CA10: variants seen among roughly 807,000 people sequenced by gnomAD.
CA10 encodes carbonic anhydrase-related protein 10.
Under a neutral mutation model 44.2 loss-of-function variants are expected in CA10, and 14 were observed. The observed-to-expected ratio is 0.32, with a 90% CI of 0.21 to 0.50. The LOEUF (loss-of-function observed/expected upper bound fraction) is 0.50. CA10 is among the 20% of genes least tolerant of loss of function. The pLI is 0.99. For synonymous variants in CA10, 159 were observed against 141.6 expected (o/e 1.12, Z -0.87); for missense variants, 350 against 409.7 (o/e 0.85, Z 1.26).
chr17:51,654,913 C>A (rs910030884), intron 4 of CA10, among the ~76,000 whole-genome samples: 1 of 151,802 alleles, frequency 6.6e-6, no homozygotes, highest in Non-Finnish European at 1.5e-5. Flanking sequence ...ATGCCCCCCC[C>A]ACCACCTCTT....
chr17:51,734,401 A>G lies in CA10; in HGVS notation c.465+13232T>C, dbSNP rs368885616. ...CTAGAGAGATTAAGTGGCTTGCCAA[A>G]GGTCACCTAGTCGTAGGGTGAGCAT... is the stretch of plus-strand genomic sequence containing the variant. On this transcript the variant is annotated intron_variant, in intron 4 of 8. Coordinates refer to ENST00000451037, the MANE Select transcript of CA10 (RefSeq NM_020178.5). Among the ~76,000 whole-genome samples the G allele has an allele frequency of 2.6e-5, 4 of 152,180 alleles. No individual in the cohort carries two copies. The East Asian group carries it at 7.7e-4, about 29-fold the overall frequency.
chr17:52,157,595 G>T, intron 1 of CA10, 131 bp downstream of exon 1: 1 of 760,674 alleles, frequency 1.3e-6, no homozygotes, highest in Non-Finnish European at 2.2e-6. Context: ...TTCTGAAGGC[G>T]GCAAACCCGC....
chr17:52,080,513 T>G (rs748838635), intron 1 of CA10, among the ~76,000 whole-genome samples: 24 of 151,310 alleles, frequency 1.6e-4, no homozygotes, highest in Non-Finnish European at 2.8e-4. Context: ...TTAAAATAAA[T>G]AGAGAGAAGC....
At chr17:51,878,710 A>G (rs1463163398) in intron 3 of CA10, among the ~76,000 whole-genome samples, 1 of 150,700 alleles carries the variant, frequency 6.6e-6, no homozygotes, top group Non-Finnish European at 1.5e-5. Context: ...AATCTTCTAC[A>G]TTTTCCAGGA....
chr17:52,021,787 C>A (rs1054361379), intron 2 of CA10, among the ~76,000 whole-genome samples: 22 of 152,000 alleles, frequency 1.4e-4, no homozygotes, highest in Admixed American at 1.2e-3. Context: ...TCTATGCACA[C>A]AAACAGAAAA....
intron 2 of CA10, among the ~76,000 whole-genome samples, chr17:52,016,608 C>G (rs575996673): frequency 6.6e-6 from 1 of 152,082 alleles, no homozygotes; most frequent in South Asian, 2.1e-4. Flanking sequence ...GCATGTGAGA[C>G]CTGACTGTTT....
intron 4 of CA10, among the ~76,000 whole-genome samples, chr17:51,735,514 T>C (rs1422755244): frequency 1.3e-5 from 2 of 150,576 alleles, no homozygotes; most frequent in Non-Finnish European, 3.0e-5. Context: ...AACACGAACA[T>C]GTACCCCCCA....
intron 2 of CA10, among the ~76,000 whole-genome samples, chr17:51,936,819 T>C: frequency 6.6e-6 from 1 of 152,140 alleles, no homozygotes; most frequent in East Asian, 1.9e-4. Context: ...GTAGTTTGAA[T>C]GGGAAAAGAA....
At chr17:51,950,189 C>T (rs1983428250) in intron 2 of CA10, among the ~76,000 whole-genome samples, 1 of 152,054 alleles carries the variant, frequency 6.6e-6, no homozygotes, top group East Asian at 1.9e-4. Flanking sequence ...CATATTCTCA[C>T]CTACTTCAGG....
At chr17:52,033,828 G>C (rs1439044253) in intron 2 of CA10, among the ~76,000 whole-genome samples, 1 of 152,158 alleles carries the variant, frequency 6.6e-6, no homozygotes, top group Non-Finnish European at 1.5e-5. Flanking sequence ...AATAGGGTTT[G>C]CACTCCTAAG....
intron 3 of CA10, among the ~76,000 whole-genome samples, chr17:51,781,127 A>G (rs543416346): frequency 6.6e-6 from 1 of 152,324 alleles, no homozygotes; most frequent in Non-Finnish European, 1.5e-5. Flanking sequence ...TGATCAGCTT[A>G]GTAAGGACGA....
intron 3 of CA10, among the ~76,000 whole-genome samples, chr17:51,773,148 A>T (rs1253027416): frequency 6.6e-6 from 1 of 152,226 alleles, no homozygotes; most frequent in Non-Finnish European, 1.5e-5. Context: ...GAGAAGAGAG[A>T]TTCTATGATA....
At chr17:51,937,852 T>C (rs1982927595) in intron 2 of CA10, among the ~76,000 whole-genome samples, 1 of 152,164 alleles carries the variant, frequency 6.6e-6, no homozygotes, top group African/African-American at 2.4e-5. Flanking sequence ...GCCTTACTCA[T>C]AGAGAGTGCA....
chr17:51,913,771 G>T (rs184513955), intron 3 of CA10, among the ~76,000 whole-genome samples: 1 of 152,158 alleles, frequency 6.6e-6, no homozygotes, highest in East Asian at 1.9e-4. Flanking sequence ...TGTTTGGTGG[G>T]GATGCTGAGC....
chr17:51,830,139 G>A (rs1908179518), intron 3 of CA10, among the ~76,000 whole-genome samples: 2 of 147,344 alleles, frequency 1.4e-5, no homozygotes, highest in South Asian at 4.3e-4. Context: ...AGAGGTTGCA[G>A]TGAGCTGAGA....
At chr17:52,145,900 A>T (rs2970054) in intron 1 of CA10, among the ~76,000 whole-genome samples, 60,849 of 151,752 alleles carry the variant, frequency 0.4, 12,519 homozygotes, top group Non-Finnish European at 0.45. Context: ...GATTATTTTT[A>T]AAAAAAATTC....
rs10549926 is a variant in CA10 at position 51,942,538 on chromosome 17, T to TTATATATATATATATATATATA, written c.137-11407_137-11406insTATATATATATATATATATATA. Among the ~76,000 whole-genome samples, 110 of 135,200 alleles carry TTATATATATATATATATATATA rather than the reference T, an allele frequency of 8.1e-4. 5 individuals carry two copies. The South Asian group carries it at 0.016, about 20-fold the overall frequency. The allele number at this position is 135,200 out of a possible 152,430, so 88.7% of individuals were successfully genotyped here. On this transcript the variant is annotated intron_variant, in intron 2 of 8. Coordinates refer to ENST00000451037, the MANE Select transcript of CA10 (RefSeq NM_020178.5). ...AGCCAGGAAGGAAATCTTGCAGGCA[T>TTATATATATATATATATATATA]TATATATATATATATATCTGTCATC...
At chr17:52,140,869 T>C (rs1013479123) in intron 1 of CA10, among the ~76,000 whole-genome samples, 9 of 152,156 alleles carry the variant, frequency 5.9e-5, no homozygotes, top group African/African-American at 2.2e-4. Flanking sequence ...GTAAAGCTCA[T>C]TCAGCTTGTT....
intron 3 of CA10, among the ~76,000 whole-genome samples, chr17:51,899,658 C>T (rs188400036): frequency 6.6e-6 from 1 of 152,172 alleles, no homozygotes; most frequent in African/African-American, 2.4e-5. Context: ...GTTGAAGTCT[C>T]CTACTATTGT....
Sources: allele counts gnomAD v4.1 joint callset (sites outside exome capture counted in the v4.1 genomes callset), GRCh38; gene constraint gnomAD v4.1.1; transcripts MANE v1.5; gene names NCBI Gene and HGNC (gene_info 2026-07-23, HGNC 2026-07-21).